The following EVI5 variants were observed in gnomAD, a reference collection of about 807,000 sequenced individuals.
EVI5 encodes ecotropic viral integration site 5.
Under a neutral mutation model 112.0 loss-of-function variants are expected in EVI5, and 73 were observed. That is an observed-to-expected ratio of 0.65 (90% CI 0.54 to 0.79). The LOEUF (loss-of-function observed/expected upper bound fraction) is 0.79, where lower values mean the gene tolerates loss of function less well. Ranked by LOEUF, EVI5 falls within the 30% of genes least tolerant of loss-of-function variation. EVI5 has a pLI of 0.00. For synonymous variants in EVI5, 305 were observed against 319.9 expected (o/e 0.95, Z 0.50); for missense variants, 900 against 968.8 (o/e 0.93, Z 0.94).
intron 10 of EVI5, among the ~76,000 whole-genome samples, chr1:92,669,260 T>C (rs1300380386): frequency 6.6e-6 from 1 of 152,046 alleles, no homozygotes; most frequent in African/African-American, 2.4e-5. Flanking sequence ...TTTCACTGAA[T>C]TTGAGGGCCA....
chr1:92,610,775 T>C (rs561346542), intron 16 of EVI5, among the ~76,000 whole-genome samples: 12 of 151,928 alleles, frequency 7.9e-5, no homozygotes, highest in African/African-American at 2.9e-4. Flanking sequence ...CTAATATGGG[T>C]TGCAGGATAA....
At chr1:92,631,890 AG>A (rs1357031997) in intron 14 of EVI5, among the ~76,000 whole-genome samples, 2 of 152,188 alleles carry the variant, frequency 1.3e-5, no homozygotes, top group African/African-American at 2.4e-5. Context: ...TTTGGCATGA[AG>A]GGCTGCTGAA....
chr1:92,582,454 T>C (rs1243268454), intron 18 of EVI5, among the ~76,000 whole-genome samples: 1 of 152,102 alleles, frequency 6.6e-6, no homozygotes, highest in South Asian at 2.1e-4. Context: ...GGCTGAGATT[T>C]AAATGATGAG....
intron 18 of EVI5, among the ~76,000 whole-genome samples, chr1:92,566,717 C>G (rs944746270): frequency 6.6e-6 from 1 of 151,184 alleles, no homozygotes; most frequent in Non-Finnish European, 1.5e-5. Flanking sequence ...CCCTGAAGAT[C>G]TTCCAGTGGG....
intron 1 of EVI5, among the ~76,000 whole-genome samples, chr1:92,750,716 G>C (rs1348934799): frequency 6.8e-6 from 1 of 147,504 alleles, no homozygotes; most frequent in South Asian, 2.1e-4. Context: ...GTTATGACCA[G>C]AAAAAAAAAA....
In EVI5 at chr1:92,511,771, G is replaced by A. The variant is rs1461442097; in HGVS notation, c.*1885C>T. On this transcript the variant is annotated 3_prime_UTR_variant, in exon 20 of 20. Coordinates refer to ENST00000684568, the MANE Select transcript of EVI5 (RefSeq NM_001350197.2). Reference sequence around the variant, plus strand: ...CTGGTGTTAAGGACAGACACGCAGGGGTATGTTTTCAATTTCATTTCTCAG... The same window carrying A: ...CTGGTGTTAAGGACAGACACGCAGGAGTATGTTTTCAATTTCATTTCTCAG... 15 of 152,042 alleles carry A rather than the reference G, an allele frequency of 9.9e-5. No individual in the cohort carries two copies. The highest frequency in any genetic ancestry group is 7.9e-4 in the Admixed American group (12 of 15,260). The allele number at this position is 152,042 out of a possible 1,614,324, so 9.4% of individuals were successfully genotyped here.
intron 1 of EVI5, among the ~76,000 whole-genome samples, chr1:92,740,250 T>A (rs1284265215): frequency 2.0e-5 from 3 of 152,154 alleles, no homozygotes; most frequent in African/African-American, 7.2e-5. Context: ...CTTCAAAAAG[T>A]ACAGGAACCA....
chr1:92,588,403 T>C (rs1459011752), intron 18 of EVI5, among the ~76,000 whole-genome samples: 7 of 152,242 alleles, frequency 4.6e-5, no homozygotes, highest in Admixed American at 2.0e-4. Flanking sequence ...GCCCTTTGCC[T>C]GTACTATTCT....
At chr1:92,603,424 C>T (rs1649616940) in intron 18 of EVI5, among the ~76,000 whole-genome samples, 1 of 152,004 alleles carries the variant, frequency 6.6e-6, no homozygotes, top group Non-Finnish European at 1.5e-5. Context: ...TTCACAATAG[C>T]TCAAACATGG....
At chr1:92,703,755 A>C in intron 3 of EVI5, 136 bp from the exon 4 acceptor site, 1 of 614,312 alleles carries the variant, frequency 1.6e-6, no homozygotes, top group Admixed American at 3.4e-5. Flanking sequence ...CTTTATAATA[A>C]GACTAGGGAA....
rs1682279729 is a variant in EVI5 at position 92,764,151 on chromosome 1, A to C, written c.-82+20685T>G. Among the ~76,000 whole-genome samples, 3 of 152,216 alleles carry C rather than the reference A, an allele frequency of 2.0e-5. No homozygotes were observed. In the South Asian group the frequency reaches 6.2e-4, roughly 32 times the overall value. On this transcript the variant is annotated intron_variant, in intron 1 of 19. Transcript: ENST00000684568. ...ATATTCACTGCTAGAGAACTTCACTAAATAGTACCACATGCACTGCTCTCC... is the reference window on the plus strand; with the variant it reads ...ATATTCACTGCTAGAGAACTTCACTCAATAGTACCACATGCACTGCTCTCC...
intron 19 of EVI5, among the ~76,000 whole-genome samples, chr1:92,521,300 T>G (rs1424884506): frequency 6.6e-6 from 1 of 152,230 alleles, no homozygotes; most frequent in Non-Finnish European, 1.5e-5. Flanking sequence ...TTAATTATTC[T>G]TTGACTTTTT....
In EVI5 at chr1:92,607,607, G is replaced by T. The variant is rs1311854813; in HGVS notation, c.1948C>A (p.Arg650Ser). The change falls in exon 17 of 20, where the codon CGT (arginine) becomes AGT (serine). Residue 650 changes from arginine (R) to serine (S), a missense_variant. By Grantham distance (110) the Arg-to-Ser change is moderately radical. Coordinates refer to ENST00000684568, the MANE Select transcript of EVI5 (RefSeq NM_001350197.2). ...GLLTQLSEAK[R>S]KQAEIECKNK... ...TTGCATTCAATCTCTGCTTGTTTACGCTTTGCTTCACTTAATTGAGTAAGG... is the reference window on the plus strand; with the variant it reads ...TTGCATTCAATCTCTGCTTGTTTACTCTTTGCTTCACTTAATTGAGTAAGG... 3 of 1,591,906 alleles carry T rather than the reference G, an allele frequency of 1.9e-6. No individual in the cohort carries two copies. Among genetic ancestry groups the T allele is most frequent in the Admixed American group, 1.8e-5 (1 of 54,976 alleles).
At chr1:92,667,933 T>G (rs956564951) in intron 10 of EVI5, among the ~76,000 whole-genome samples, 4 of 152,240 alleles carry the variant, frequency 2.6e-5, no homozygotes, top group Admixed American at 2.6e-4. Flanking sequence ...ATAACTTACT[T>G]TTTTGTACCA....
chr1:92,656,422 A>G lies in EVI5; in HGVS notation c.1392+6297T>C, dbSNP rs138479067. On this transcript the variant is annotated intron_variant, in intron 13 of 19. Transcript: ENST00000684568. ...CACCAAGTGGGAAGTCTGCAGCATTATATGCCTAAATAAAAAAACCAGAAG... is the reference window on the plus strand; with the variant it reads ...CACCAAGTGGGAAGTCTGCAGCATTGTATGCCTAAATAAAAAAACCAGAAG... Among the ~76,000 whole-genome samples, 698 of 152,172 alleles carry G rather than the reference A, an allele frequency of 4.6e-3. 3 individuals carry two copies. The highest frequency in any genetic ancestry group is 0.016 in the African/African-American group (677 of 41,542).
intron 13 of EVI5, among the ~76,000 whole-genome samples, chr1:92,644,249 G>C (rs538421627): frequency 6.6e-6 from 1 of 152,244 alleles, no homozygotes; most frequent in Non-Finnish European, 1.5e-5. Flanking sequence ...GCAAAAAGAA[G>C]TTTACAACAT....
Position 92,511,268 on chromosome 1 carries a change from G to C in EVI5, c.*2388C>G, listed in dbSNP as rs1172470765. 6.6e-6 allele frequency: 1 copy of C among 152,044 alleles called. No homozygotes were observed. The highest frequency in any genetic ancestry group is 1.5e-5 in the Non-Finnish European group (1 of 68,046). 9.4% of individuals were successfully genotyped at this position (152,044 alleles called of 1,614,324 possible). On this transcript the variant is annotated 3_prime_UTR_variant, in exon 20 of 20. Coordinates refer to ENST00000684568, the MANE Select transcript of EVI5 (RefSeq NM_001350197.2). ...GTTTGAGATCAGCCTGGCCAACATA[G>C]CGAAACCCCATCTCTACTAAAAATA...
At chr1:92,638,661 C>T (rs964749350) in intron 13 of EVI5, among the ~76,000 whole-genome samples, 2 of 152,150 alleles carry the variant, frequency 1.3e-5, no homozygotes, top group African/African-American at 4.8e-5. Context: ...ATGTGCCAGA[C>T]ACATGTTAAG....
chr1:92,559,287 C>T (rs6422512), intron 19 of EVI5, among the ~76,000 whole-genome samples: 129,688 of 152,240 alleles, frequency 0.85, 55,614 homozygotes, highest in East Asian at 0.97. Flanking sequence ...GCAAAATCCA[C>T]GGATACAGAG....
Sources: allele counts gnomAD v4.1 joint callset (sites outside exome capture counted in the v4.1 genomes callset), GRCh38; gene constraint gnomAD v4.1.1; transcripts MANE v1.5; gene names NCBI Gene and HGNC (gene_info 2026-07-23, HGNC 2026-07-21).